Variants in HOXC4 observed in about 807,000 individuals in gnomAD.
The protein encoded by HOXC4 is homeobox protein Hox-C4.
HOXC4 carries 15 observed loss-of-function variants against 25.5 expected under a neutral mutation model. The ratio of observed to expected loss-of-function variants is 0.59; its 90% CI spans 0.39 to 0.91. The LOEUF is 0.91. Among genes scored for constraint, HOXC4 ranks in the 40% least tolerant of loss-of-function variants. The probability of loss-of-function intolerance (pLI) is 0.00; values close to 1 mark genes in which losing one functional copy is unlikely to be tolerated. For synonymous variants in HOXC4, 165 were observed against 148.0 expected, an observed-to-expected ratio of 1.11 and a Z score of -0.83; for missense variants, 342 against 352.4, an observed-to-expected ratio of 0.97 and a Z score of 0.24.
intron 1 of HOXC4, among the ~76,000 whole-genome samples, chr12:54,044,000 T>G (rs920991714): frequency 6.6e-6 from 1 of 150,786 alleles, no homozygotes; most frequent in Non-Finnish European, 1.5e-5. Flanking sequence ...TCTTTCATTT[T>G]ATGTTGTGTC....
intron 1 of HOXC4, among the ~76,000 whole-genome samples, chr12:54,027,757 T>C (rs967364014): frequency 6.6e-6 from 1 of 152,150 alleles, no homozygotes; most frequent in Non-Finnish European, 1.5e-5. Flanking sequence ...GCGTGGCCCA[T>C]TTGCCCACTC....
In HOXC4 at chr12:54,030,118, C is replaced by G. The variant is rs939068866; in HGVS notation, c.-124+12704C>G. ...TCAAACGTGGACCTGAAAGTCAGCT[C>G]TGGACCCCCTCCCTCACCGCACAAC... On this transcript the variant is annotated intron_variant, in intron 1 of 3. Transcript: ENST00000303406. The G allele has an allele frequency of 1.5e-5, 10 of 689,610 alleles. No homozygotes were observed. In the Admixed American group the frequency reaches 2.4e-4, roughly 17 times the overall value. The allele number at this position is 689,610 out of a possible 1,614,324, so 42.7% of individuals were successfully genotyped here. A position where few individuals can be genotyped will look rare whatever the true frequency, so the allele number is the denominator to read the frequency against.
At chr12:54,032,019 G>A (rs529266433) in intron 1 of HOXC4, among the ~76,000 whole-genome samples, 1 of 152,180 alleles carries the variant, frequency 6.6e-6, no homozygotes, top group Non-Finnish European at 1.5e-5. Flanking sequence ...AATATTTGTG[G>A]AGGCTTCAAT....
chr12:54,033,156 C>A (rs1225129849), intron 1 of HOXC4: 2 of 1,613,688 alleles, frequency 1.2e-6, no homozygotes, highest in African/African-American at 1.3e-5. Context: ...ATTCTATAAG[C>A]AGAGCCCCAA....
In HOXC4 at chr12:54,054,885, T is replaced by C; in HGVS notation, c.475T>C (p.Ser159Pro). 6.2e-7 allele frequency: 1 copy of C among 1,612,310 alleles called. No homozygotes were observed. The highest frequency in any genetic ancestry group is 8.5e-7 in the Non-Finnish European group (1 of 1,178,664). ...TTATAACGGAGGGGAACCCAAGCGC[T>C]CGAGGACAGCCTATACCCGGCAGCA... is the stretch of plus-strand genomic sequence containing the variant. ...PNYNGGEPKRSRTAYTRQQVL... is the reference protein window; with the variant it reads ...PNYNGGEPKRPRTAYTRQQVL... The change falls in exon 2 of 2, where the codon TCG becomes CCG. Residue 159 changes from serine to proline, a missense_variant. Ser to Pro is a moderately conservative substitution (Grantham distance 74, BLOSUM62 -1). Transcript: ENST00000430889.
intron 1 of HOXC4, among the ~76,000 whole-genome samples, chr12:54,035,812 A>G (rs1941173069): frequency 6.6e-6 from 1 of 151,890 alleles, no homozygotes; most frequent in African/African-American, 2.4e-5. Context: ...CACTCTAGGG[A>G]CCCATTTGGT....
At chr12:54,016,962 A>G (rs1369457400) in exon 1 of HOXC4, 1 of 147,796 alleles carries the variant, frequency 6.8e-6, no homozygotes, top group Non-Finnish European at 1.5e-5. Context: ...CATTAGCAGT[A>G]TTTTTTTTAA....
chr12:54,051,808 G>T (rs569268513), upstream of HOXC4, among the ~76,000 whole-genome samples: 1 of 152,328 alleles, frequency 6.6e-6, no homozygotes, highest in South Asian at 2.1e-4. Context: ...GCGGGAATCC[G>T]CACCCTTTGG....
rs760793751 is a variant in HOXC4 at position 54,054,025 on chromosome 12, G to T, written c.103G>T (p.Glu35Ter). Residue 35 changes from glutamate to a stop codon, truncating the protein, a stop_gained, in exon 1 of 2, where the codon GAA (glutamate) becomes TAA (stop). Coordinates refer to ENST00000430889, the MANE Select transcript of HOXC4 (RefSeq NM_153633.3). LOFTEE classifies it high-confidence loss of function. ...QNSYIPEHSP[E>*]YYGRTRESGF... is the part of the protein sequence containing the mutation. The stretch of plus-strand genomic sequence containing the variant: ...TAGCTACATCCCTGAACACAGTCCG[G>T]AATATTACGGCCGGACCAGGGAATC... The T allele has an allele frequency of 1.2e-6, 2 of 1,613,516 alleles. No homozygotes were observed.
chr12:54,049,093 G>A (rs963634104), upstream of HOXC4, among the ~76,000 whole-genome samples: 5 of 152,220 alleles, frequency 3.3e-5, no homozygotes, highest in Non-Finnish European at 5.9e-5. Flanking sequence ...GGGTCAATGA[G>A]GCTGGGATGA....
At chr12:54,020,580 T>C (rs2136418752) in intron 1 of HOXC4, 1 of 152,342 alleles carries the variant, frequency 6.6e-6, no homozygotes, top group African/African-American at 2.4e-5. Context: ...CTCAGGCTTA[T>C]GCATGAATAT....
intron 1 of HOXC4, among the ~76,000 whole-genome samples, chr12:54,043,975 G>A: frequency 6.9e-6 from 1 of 144,318 alleles, no homozygotes. Context: ...TGTTTAGGGA[G>A]TAGTAAGGGT....
exon 1 of HOXC4, chr12:54,017,254 G>C (rs1394277172): frequency 3.3e-5 from 5 of 152,102 alleles, no homozygotes; most frequent in Admixed American, 6.6e-5. Flanking sequence ...TTGGCTTTTG[G>C]ATGATTATAA....
At chr12:54,024,387 G>T (rs968892188) in intron 1 of HOXC4, among the ~76,000 whole-genome samples, 3 of 152,122 alleles carry the variant, frequency 2.0e-5, no homozygotes, top group African/African-American at 4.8e-5. Context: ...GTTGCAGCGC[G>T]GCAGTCAGGA....
upstream of HOXC4, among the ~76,000 whole-genome samples, chr12:54,049,621 T>C (rs76963004): frequency 7.1e-3 from 1,085 of 152,094 alleles, 16 homozygotes; most frequent in African/African-American, 0.025. Context: ...ATCCAGGTTA[T>C]TAAAATCATT....
intron 1 of HOXC4, chr12:54,029,984 CT>C: frequency 6.6e-7 from 1 of 1,505,768 alleles, no homozygotes; most frequent in Non-Finnish European, 8.9e-7. Flanking sequence ...CCTGCCACCC[CT>C]CTCTCCCTTT....
At chr12:54,022,457 AG>A (rs1940494033) in intron 1 of HOXC4, 1 of 152,152 alleles carries the variant, frequency 6.6e-6, no homozygotes, top group African/African-American at 2.4e-5. Context: ...AATTTAAAAG[AG>A]TATCATTGAA....
At chr12:54,039,700 T>A (rs1426319433) in intron 1 of HOXC4, among the ~76,000 whole-genome samples, 1 of 152,098 alleles carries the variant, frequency 6.6e-6, no homozygotes, top group Non-Finnish European at 1.5e-5. Flanking sequence ...AGCGGAGACA[T>A]GGGAGTTTCT....
intron 1 of HOXC4, chr12:54,037,748 G>A (rs1592241723): frequency 6.6e-6 from 1 of 152,332 alleles, no homozygotes; most frequent in Non-Finnish European, 1.5e-5. Context: ...GAAACTTTTG[G>A]AGGTTATTTA....
Sources: gnomAD v4.1 joint callset for allele counts (sites outside exome capture counted in the v4.1 genomes callset) on GRCh38, gnomAD v4.1.1 for gene constraint, MANE v1.5 for transcripts, NCBI Gene and HGNC (gene_info 2026-07-23, HGNC 2026-07-21) for gene names.